RERE: variants seen among roughly 807,000 people sequenced by gnomAD.
The protein encoded by RERE is arginine-glutamic acid dipeptide repeats.
RERE carries 40 observed loss-of-function variants against 146.1 expected under a neutral mutation model. The observed-to-expected ratio is 0.27, with a 90% CI of 0.21 to 0.36. The LOEUF is 0.36. Ranked by LOEUF, RERE falls within the 10% of genes least tolerant of loss-of-function variation. The probability of loss-of-function intolerance (pLI) is 1.00; values close to 1 mark genes in which losing one functional copy is unlikely to be tolerated. For synonymous variants in RERE, 1,003 were observed against 866.0 expected, an observed-to-expected ratio of 1.16 and a Z score of -2.78; for missense variants, 1,933 against 2,138.7, an observed-to-expected ratio of 0.90 and a Z score of 1.90.
chr1:8,729,621 A>G (rs1640043303), intron 1 of RERE, among the ~76,000 whole-genome samples: 1 of 152,204 alleles, frequency 6.6e-6, no homozygotes, highest in Non-Finnish European at 1.5e-5. Flanking sequence ...AAAAGACTAA[A>G]TATTTACTAT....
intron 8 of RERE, among the ~76,000 whole-genome samples, chr1:8,501,241 G>A (rs1467431997): frequency 5.7e-5 from 8 of 139,572 alleles, no homozygotes; most frequent in Admixed American, 2.8e-4. Flanking sequence ...CGGCCGCCCC[G>A]TCCGGGAGGT....
At chr1:8,511,550 G>A (rs915284145) in intron 7 of RERE, among the ~76,000 whole-genome samples, 38 of 152,244 alleles carry the variant, frequency 2.5e-4, no homozygotes, top group African/African-American at 9.1e-4. Flanking sequence ...TACTTTTTAG[G>A]TCCAAGATAT....
intron 4 of RERE, among the ~76,000 whole-genome samples, chr1:8,584,326 C>T (rs947518584): frequency 6.6e-6 from 1 of 152,104 alleles, no homozygotes; most frequent in African/African-American, 2.4e-5. Flanking sequence ...GAGGCTCAGG[C>T]AGGAGGACAG....
intron 1 of RERE, among the ~76,000 whole-genome samples, chr1:8,755,003 T>C (rs1386776332): frequency 6.6e-6 from 1 of 152,228 alleles, no homozygotes; most frequent in Non-Finnish European, 1.5e-5. Context: ...AAAATAAGAA[T>C]AGACTATCTA....
At chr1:8,702,218 C>A (rs540594550) in intron 1 of RERE, among the ~76,000 whole-genome samples, 2 of 152,318 alleles carry the variant, frequency 1.3e-5, no homozygotes, top group East Asian at 3.9e-4. Flanking sequence ...TGTAGACACC[C>A]GTGTTCATTC....
chr1:8,390,026 C>G (rs12046086), intron 12 of RERE, among the ~76,000 whole-genome samples: 1 of 152,098 alleles, frequency 6.6e-6, no homozygotes, highest in Non-Finnish European at 1.5e-5. Context: ...GGGTTAAGAA[C>G]AAGAGTAGTT....
chr1:8,797,357 GAC>G (rs1368350178), intron 1 of RERE, among the ~76,000 whole-genome samples: 1 of 137,056 alleles, frequency 7.3e-6, no homozygotes, highest in Non-Finnish European at 1.6e-5. Context: ...CAGCCTAGGT[GAC>G]AGAGTAAGAC....
intron 11 of RERE, among the ~76,000 whole-genome samples, chr1:8,447,551 C>T (rs1644337774): frequency 6.6e-6 from 1 of 152,208 alleles, no homozygotes; most frequent in Non-Finnish European, 1.5e-5. Context: ...AACAGTCAGG[C>T]CCCTCTGCTG....
At chr1:8,570,843 A>G (rs1175227144) in intron 4 of RERE, among the ~76,000 whole-genome samples, 3 of 152,232 alleles carry the variant, frequency 2.0e-5, no homozygotes, top group Non-Finnish European at 4.4e-5. Flanking sequence ...TTTAAGGCAC[A>G]AATTCATTTA....
chr1:8,501,491 C>A (rs1570350469), intron 8 of RERE, among the ~76,000 whole-genome samples: 1 of 98,094 alleles, frequency 1.0e-5, no homozygotes. Flanking sequence ...CCAGCCGCCC[C>A]GTCCGGGAGG....
intron 2 of RERE, among the ~76,000 whole-genome samples, chr1:8,625,710 T>C (rs1307515486): frequency 6.6e-6 from 1 of 151,974 alleles, no homozygotes; most frequent in African/African-American, 2.4e-5. Flanking sequence ...ATTGTCTCAT[T>C]TGTCTTATGT....
At chr1:8,763,170 C>T (rs1268320420) in intron 1 of RERE, among the ~76,000 whole-genome samples, 1 of 152,076 alleles carries the variant, frequency 6.6e-6, no homozygotes, top group Non-Finnish European at 1.5e-5. Flanking sequence ...ACCATAGGAA[C>T]AAATCCAGAT....
chr1:8,712,536 A>G (rs536076313), intron 1 of RERE, among the ~76,000 whole-genome samples: 192 of 152,348 alleles, frequency 1.3e-3, no homozygotes, highest in Non-Finnish European at 1.4e-3. Flanking sequence ...GTGAAAGGAA[A>G]TGACTGCCAA....
At chr1:8,732,340 A>G (rs1187769825) in intron 1 of RERE, among the ~76,000 whole-genome samples, 1 of 152,248 alleles carries the variant, frequency 6.6e-6, no homozygotes, top group Admixed American at 6.5e-5. Flanking sequence ...AACAAGAAAG[A>G]GGAACATTAA....
chr1:8,694,742 A>C (rs2124425512), intron 1 of RERE, among the ~76,000 whole-genome samples: 1 of 152,034 alleles, frequency 6.6e-6, no homozygotes. Flanking sequence ...CTGGGTGACA[A>C]AGCGAGACTC....
chr1:8,705,344 A>C (rs1639536576), intron 1 of RERE, among the ~76,000 whole-genome samples: 1 of 151,794 alleles, frequency 6.6e-6, no homozygotes, highest in Non-Finnish European at 1.5e-5. Flanking sequence ...CAGTTTTTCC[A>C]CTTCCCCCAG....
At chr1:8,632,734 T>G (rs1647049404) in intron 2 of RERE, among the ~76,000 whole-genome samples, 1 of 152,234 alleles carries the variant, frequency 6.6e-6, no homozygotes, top group African/African-American at 2.4e-5. Context: ...CACAGGCATC[T>G]TCTATTTCTT....
intron 7 of RERE, among the ~76,000 whole-genome samples, chr1:8,533,699 C>T (rs1645687377): frequency 6.6e-6 from 1 of 152,212 alleles, no homozygotes; most frequent in South Asian, 2.1e-4. Context: ...TCCAGCCTCA[C>T]CATGAGCTAC....
At chr1:8,415,272 T>C (rs1318410064) in intron 12 of RERE, among the ~76,000 whole-genome samples, 4 of 152,212 alleles carry the variant, frequency 2.6e-5, no homozygotes, top group Non-Finnish European at 5.9e-5. Flanking sequence ...TCCATTTGTT[T>C]TACTAGCTAA....
Sources: gnomAD v4.1 joint callset for allele counts (sites outside exome capture counted in the v4.1 genomes callset) on GRCh38, gnomAD v4.1.1 for gene constraint, MANE v1.5 for transcripts, NCBI Gene and HGNC (gene_info 2026-07-23, HGNC 2026-07-21) for gene names.